RPS6KB1: variants seen among roughly 807,000 people sequenced by gnomAD.
RPS6KB1 encodes the protein ribosomal protein S6 kinase B1, also known as ribosomal protein S6 kinase beta-1.
Under a neutral mutation model 70.2 loss-of-function variants are expected in RPS6KB1, and 12 were observed. The ratio of observed to expected loss-of-function variants is 0.17; its 90% CI spans 0.11 to 0.28. The LOEUF is 0.28. Among genes scored for constraint, RPS6KB1 ranks in the 10% least tolerant of loss-of-function variants. The pLI is 1.00. For synonymous variants in RPS6KB1, 175 were observed against 211.2 expected, an observed-to-expected ratio of 0.83 and a Z score of 1.49; for missense variants, 270 against 646.6, an observed-to-expected ratio of 0.42 and a Z score of 6.32.
chr17:59,933,942 A>G (rs2044093246), intron 7 of RPS6KB1, among the ~76,000 whole-genome samples: 1 of 152,010 alleles, frequency 6.6e-6, no homozygotes, highest in African/African-American at 2.4e-5. Context: ...CTCTATCTTT[A>G]TTTTCTCTTT....
At chr17:59,904,112 G>T (rs1182111205) in intron 1 of RPS6KB1, among the ~76,000 whole-genome samples, 3 of 151,302 alleles carry the variant, frequency 2.0e-5, no homozygotes, top group African/African-American at 7.3e-5. Context: ...ATGGAGTCTT[G>T]TTCTGTTGCC....
chr17:59,949,754 G>T lies in RPS6KB1; in HGVS notation c.*2966G>T, dbSNP rs749784435. The T allele has an allele frequency of 6.6e-6, 1 of 152,304 alleles. No homozygotes were observed. Among genetic ancestry groups the T allele is most frequent in the African/African-American group, 2.4e-5 (1 of 41,378 alleles). 9.4% of individuals were successfully genotyped at this position (152,304 alleles called of 1,614,324 possible). A position where few individuals can be genotyped will look rare whatever the true frequency, so the allele number is the denominator to read the frequency against. ...GATAGAAGATAATTTGTGGGCAGGG[G>T]TGGAGGATGCATGTATGATACTCCA... On this transcript the variant is annotated 3_prime_UTR_variant, in exon 15 of 15. Transcript: ENST00000225577.
At chr17:59,902,331 C>G (rs2042006634) in intron 1 of RPS6KB1, among the ~76,000 whole-genome samples, 2 of 151,878 alleles carry the variant, frequency 1.3e-5, no homozygotes, top group African/African-American at 2.4e-5. Context: ...TCTCAAACTC[C>G]TGACCTCAAG....
intron 13 of RPS6KB1, among the ~76,000 whole-genome samples, chr17:59,943,617 G>T (rs796374846): frequency 6.6e-6 from 1 of 151,902 alleles, no homozygotes; most frequent in Non-Finnish European, 1.5e-5. Flanking sequence ...AGTGGCTCAC[G>T]CCTGTAATCC....
intron 4 of RPS6KB1, among the ~76,000 whole-genome samples, chr17:59,920,237 C>T (rs1256199011): frequency 3.3e-5 from 5 of 152,014 alleles, no homozygotes; most frequent in Non-Finnish European, 7.4e-5. Flanking sequence ...AGGCTGGTCT[C>T]GAACTCCTGA....
intron 13 of RPS6KB1, among the ~76,000 whole-genome samples, chr17:59,942,142 G>A (rs545277813): frequency 9.6e-4 from 146 of 152,248 alleles, no homozygotes; most frequent in African/African-American, 3.4e-3. Context: ...ACAGGCGTAA[G>A]CCACCACGCC....
chr17:59,912,255 C>A, intron 2 of RPS6KB1: 1 of 223,626 alleles, frequency 4.5e-6, no homozygotes, highest in South Asian at 6.7e-5. Context: ...GGTTCTTGCT[C>A]TTGTTGTGTC....
chr17:59,914,791 T>C, intron 4 of RPS6KB1, 88 bp downstream of exon 4: 3 of 1,033,454 alleles, frequency 2.9e-6, no homozygotes, highest in Non-Finnish European at 4.4e-6. Context: ...TCATATCATA[T>C]TTTTAATTGT....
At chr17:59,909,221 C>T (rs986494986) in intron 1 of RPS6KB1, among the ~76,000 whole-genome samples, 4 of 126,036 alleles carry the variant, frequency 3.2e-5, no homozygotes, top group African/African-American at 8.8e-5. Flanking sequence ...AGCCACCGCA[C>T]GTGGCTTTTT....
At chr17:59,918,179 G>A (rs2043066489) in intron 4 of RPS6KB1, among the ~76,000 whole-genome samples, 1 of 151,604 alleles carries the variant, frequency 6.6e-6, no homozygotes, top group African/African-American at 2.4e-5. Context: ...TGATCCGCCC[G>A]CCTTGGCCTC....
chr17:59,905,508 A>ATT (rs796408273), intron 1 of RPS6KB1, among the ~76,000 whole-genome samples: 5,912 of 141,140 alleles, frequency 0.042, 423 homozygotes, highest in African/African-American at 0.14. Context: ...TTTTGGGAGG[A>ATT]TTTTTTTTTT....
rs1476524191 is a variant in RPS6KB1, at chr17:59,905,988, T to TTA, written c.142-4574_142-4573insTA. Among the ~76,000 whole-genome samples the TTA allele has an allele frequency of 1.1e-3, 169 of 152,188 alleles. 1 individual carries two copies. The highest frequency in any genetic ancestry group is 2.6e-3 in the Admixed American group (40 of 15,242). On this transcript the variant is annotated intron_variant, in intron 1 of 14. Transcript: ENST00000225577. ...TATAGTTTTAGCTCCTGTATTTAGGTCTTTGCTCCATTTTGAGTTAATTTT... is the reference window on the plus strand; with the variant it reads ...TATAGTTTTAGCTCCTGTATTTAGGTTACTTTGCTCCATTTTGAGTTAATTTT...
chr17:59,915,799 TA>T (rs1358683643), intron 4 of RPS6KB1, among the ~76,000 whole-genome samples: 10,820 of 138,948 alleles, frequency 0.078, 741 homozygotes, highest in Non-Finnish European at 0.12. Flanking sequence ...TTTTTTTTTT[TA>T]TTGTGACAGA....
intron 4 of RPS6KB1, among the ~76,000 whole-genome samples, chr17:59,923,783 C>T (rs1398428871): frequency 6.6e-6 from 1 of 151,904 alleles, no homozygotes; most frequent in Non-Finnish European, 1.5e-5. Context: ...GCTGGAATTA[C>T]AGGTGTTAGC....
At chr17:59,923,881 G>A (rs571838720) in intron 4 of RPS6KB1, among the ~76,000 whole-genome samples, 22 of 152,072 alleles carry the variant, frequency 1.4e-4, no homozygotes, top group Non-Finnish European at 2.1e-4. Flanking sequence ...CAACATAAAC[G>A]CACTCATTTG....
intron 1 of RPS6KB1, among the ~76,000 whole-genome samples, chr17:59,902,363 T>C (rs1465493747): frequency 2.6e-5 from 4 of 151,956 alleles, no homozygotes; most frequent in African/African-American, 4.8e-5. Flanking sequence ...CCTTGGCCTC[T>C]CAAAGTGCTG....
intron 4 of RPS6KB1, among the ~76,000 whole-genome samples, chr17:59,926,025 C>A (rs540116998): frequency 6.6e-6 from 1 of 152,224 alleles, no homozygotes; most frequent in Admixed American, 6.6e-5. Context: ...TACCATCCTG[C>A]ACTTGCCTAC....
At chr17:59,909,934 C>T (rs946426482) in intron 1 of RPS6KB1, among the ~76,000 whole-genome samples, 2 of 152,114 alleles carry the variant, frequency 1.3e-5, no homozygotes, top group Middle Eastern at 3.4e-3. Flanking sequence ...ATCACTTGAA[C>T]CTGGGAGGTG....
rs2044141767 is a variant in RPS6KB1 at position 59,934,870 on chromosome 17, A to C, written c.871-323A>C. 2 of 370,250 alleles carry C rather than the reference A, an allele frequency of 5.4e-6. No individual in the cohort carries two copies. Among genetic ancestry groups the C allele is most frequent in the South Asian group, 7.5e-5 (2 of 26,810 alleles). 22.9% of individuals were successfully genotyped at this position (370,250 alleles called of 1,614,324 possible). A position where few individuals can be genotyped will look rare whatever the true frequency, so the allele number is the denominator to read the frequency against. On this transcript the variant is annotated intron_variant, in intron 9 of 14. Coordinates refer to ENST00000225577, the MANE Select transcript of RPS6KB1 (RefSeq NM_003161.4). This position sits in a 1 kb window ranked among gnomAD's most constrained non-coding sequence, Gnocchi z 4.8. ...ACAGGCTTCCTTCCAGGACACTGCT[A>C]CTTCCTCTGTCCTGTTGCTTAAAAA... is the stretch of plus-strand genomic sequence containing the variant.
Sources: allele counts gnomAD v4.1 joint callset (sites outside exome capture counted in the v4.1 genomes callset), GRCh38; gene constraint gnomAD v4.1.1; non-coding constraint Gnocchi (gnomAD v3.1); transcripts MANE v1.5; gene names NCBI Gene and HGNC (gene_info 2026-07-23, HGNC 2026-07-21).